TANC1: variants seen among roughly 807,000 people sequenced by gnomAD.
The protein encoded by TANC1 is protein TANC1.
In TANC1, 77 loss-of-function variants were observed where a neutral mutation model predicts 149.7. That is an observed-to-expected ratio of 0.51 (90% CI 0.43 to 0.62). TANC1 has a LOEUF of 0.62. Ranked by LOEUF, TANC1 falls within the 20% of genes least tolerant of loss-of-function variation. TANC1 has a pLI of 0.00. For missense variants in TANC1, 1,985 were observed against 2,321.8 expected (o/e 0.85, Z 2.98); for synonymous variants, 854 against 925.0 (o/e 0.92, Z 1.39).
chr2:159,220,598 G>T (rs912724975), intron 22 of TANC1, among the ~76,000 whole-genome samples: 5 of 144,766 alleles, frequency 3.5e-5, no homozygotes, highest in African/African-American at 1.3e-4. Context: ...CCCTGCACCT[G>T]GCTTATTATT....
intron 4 of TANC1, among the ~76,000 whole-genome samples, chr2:159,119,881 G>C (rs981506693): frequency 6.6e-6 from 1 of 152,194 alleles, no homozygotes; most frequent in Admixed American, 6.5e-5. Context: ...TTTGCAAGAG[G>C]GAAGAGGTGT....
At chr2:159,205,356 G>A (rs373309838) in intron 19 of TANC1, among the ~76,000 whole-genome samples, 1 of 152,182 alleles carries the variant, frequency 6.6e-6, no homozygotes, top group Non-Finnish European at 1.5e-5. Flanking sequence ...AGAAGGGGCT[G>A]TTCTTTGGTA....
chr2:158,995,644 A>G (rs1207000710), intron 1 of TANC1, among the ~76,000 whole-genome samples: 1 of 152,164 alleles, frequency 6.6e-6, no homozygotes, highest in African/African-American at 2.4e-5. Context: ...GCAGTCTTAT[A>G]CCTGTCTCCA....
chr2:159,176,475 C>T lies in TANC1; in HGVS notation c.1859C>T (p.Pro620Leu). ...SFITKIISKFPAWLKLIVTVR... is the reference protein window; with the variant it reads ...SFITKIISKFLAWLKLIVTVR... ...ATTACCAAAATTATTTCTAAATTTC[C>T]TGCCTGGTTGAAGTTGATTGTGACT... Residue 620 changes from proline to leucine, a missense_variant, in exon 13 of 27, where the codon CCT (proline) becomes CTT (leucine). By Grantham distance (98) the Pro-to-Leu change is moderately conservative. Coordinates refer to ENST00000263635, the MANE Select transcript of TANC1 (RefSeq NM_033394.3). 1.2e-6 allele frequency: 2 copies of T among 1,602,634 alleles called. No homozygotes were observed. Among genetic ancestry groups the T allele is most frequent in the Admixed American group, 1.7e-5 (1 of 57,176 alleles).
At chr2:159,070,568 A>G (rs755935652) in intron 3 of TANC1, among the ~76,000 whole-genome samples, 7 of 152,294 alleles carry the variant, frequency 4.6e-5, no homozygotes, top group Admixed American at 1.3e-4. Context: ...TTAAAACACT[A>G]CAAAATTGAT....
rs1040063640 is a variant in TANC1 at position 159,138,309 on chromosome 2, G to A, written c.364+2011G>A. The stretch of plus-strand genomic sequence containing the variant: ...GTGTAGTTCACGTCTGTGGGTGCAT[G>A]GTCTTGCCTGAAGATAGCCATGATG... On this transcript the variant is annotated intron_variant, in intron 5 of 26. Transcript: ENST00000263635. Among the ~76,000 whole-genome samples, 108 of 152,100 alleles carry A rather than the reference G, an allele frequency of 7.1e-4. 1 individual carries two copies. Among genetic ancestry groups the A allele is most frequent in the African/African-American group, 2.5e-3 (104 of 41,470 alleles).
intron 3 of TANC1, among the ~76,000 whole-genome samples, chr2:159,080,736 A>T (rs1208540646): frequency 6.6e-6 from 1 of 152,262 alleles, no homozygotes; most frequent in Non-Finnish European, 1.5e-5. Flanking sequence ...CTGGAGCCTG[A>T]GATTTGCTTT....
chr2:159,055,436 C>T (rs946710522), intron 2 of TANC1, among the ~76,000 whole-genome samples: 2 of 152,172 alleles, frequency 1.3e-5, no homozygotes, highest in African/African-American at 4.8e-5. Flanking sequence ...TCCCTATTCC[C>T]CCTACCCTCA....
intron 4 of TANC1, among the ~76,000 whole-genome samples, chr2:159,116,466 A>C (rs1446274243): frequency 9.5e-5 from 14 of 146,610 alleles, no homozygotes; most frequent in Admixed American, 8.8e-4. Flanking sequence ...AAAAAAAAAA[A>C]ACAAAGGACC....
intron 25 of TANC1, 197 bp downstream of exon 25, chr2:159,228,162 A>T (rs1034967048): frequency 1.7e-6 from 1 of 594,826 alleles, no homozygotes; most frequent in Non-Finnish European, 2.9e-6. Context: ...TCCTCGCATG[A>T]TGTTGAAGGA....
intron 19 of TANC1, among the ~76,000 whole-genome samples, chr2:159,202,255 T>C (rs1296349508): frequency 6.6e-6 from 1 of 152,118 alleles, no homozygotes; most frequent in African/African-American, 2.4e-5. Context: ...TGACCCTGAG[T>C]CAATGAATGT....
At chr2:159,163,238 A>G (rs1486894287) in intron 7 of TANC1, 45 bp from the exon 8 acceptor site, 1 of 1,586,456 alleles carries the variant, frequency 6.3e-7, no homozygotes, top group Admixed American at 1.7e-5. Flanking sequence ...CTTCAGCCCC[A>G]GCTGTGCCTG....
chr2:159,171,789 C>T (rs1283969257), intron 10 of TANC1, among the ~76,000 whole-genome samples: 1 of 141,394 alleles, frequency 7.1e-6, no homozygotes, highest in Non-Finnish European at 1.5e-5. Flanking sequence ...CCCAGGAGGT[C>T]GAGGTTGCAG....
intron 16 of TANC1, among the ~76,000 whole-genome samples, chr2:159,188,481 TTTG>T (rs1444692686): frequency 6.6e-5 from 10 of 152,236 alleles, no homozygotes; most frequent in Non-Finnish European, 1.2e-4. Context: ...AGCCAGTGGT[TTTG>T]TTGTACCATC....
At chr2:159,015,531 C>T (rs769842284) in intron 2 of TANC1, among the ~76,000 whole-genome samples, 16 of 152,228 alleles carry the variant, frequency 1.1e-4, no homozygotes, top group Non-Finnish European at 2.2e-4. Flanking sequence ...CAAATTTCTA[C>T]AGCTGGCTTG....
At chr2:159,067,752 C>T (rs2042794146) in intron 3 of TANC1, among the ~76,000 whole-genome samples, 1 of 152,200 alleles carries the variant, frequency 6.6e-6, no homozygotes, top group African/African-American at 2.4e-5. Flanking sequence ...GGTCCCCAAG[C>T]CTAAACTCAC....
chr2:159,230,382 C>T lies in TANC1; in HGVS notation c.4956C>T (p.Ser1652=), dbSNP rs769787106. Residue 1652 remains serine (S), a synonymous_variant, in exon 27 of 27, where the codon AGC becomes AGT. Coordinates refer to ENST00000263635, the MANE Select transcript of TANC1 (RefSeq NM_033394.3). This position sits in a 1 kb window ranked among gnomAD's most constrained non-coding sequence, Gnocchi z 4.4. The part of the protein sequence containing the change: ...PPNQGGLATC[S]DVRHPASLTS... ...ACCAAGGTGGGCTGGCGACCTGCAGCGACGTGCGACACCCAGCTTCCCTCA... is the reference window on the plus strand; with the variant it reads ...ACCAAGGTGGGCTGGCGACCTGCAGTGACGTGCGACACCCAGCTTCCCTCA... 46 of 1,614,148 alleles carry T rather than the reference C, an allele frequency of 2.8e-5. No individual in the cohort carries two copies. The highest frequency in any genetic ancestry group is 3.7e-5 in the Non-Finnish European group (44 of 1,180,040).
Position 159,082,311 on chromosome 2 carries a change from C to T in TANC1, c.62-15326C>T, listed in dbSNP as rs1444629141. Among the ~76,000 whole-genome samples the T allele has an allele frequency of 2.0e-5, 3 of 151,838 alleles. No individual in the cohort carries two copies. In the East Asian group the frequency reaches 5.8e-4, roughly 29 times the overall value. ...GCCACCCAACCCTGTACCGAGGGCT[C>T]CTGAGTCAGCAGATTAAGTATTTTG... is the stretch of plus-strand genomic sequence containing the variant. On this transcript the variant is annotated intron_variant, in intron 3 of 26. Coordinates refer to ENST00000263635, the MANE Select transcript of TANC1 (RefSeq NM_033394.3).
intron 3 of TANC1, among the ~76,000 whole-genome samples, chr2:159,082,270 C>T (rs1002043143): frequency 2.0e-4 from 30 of 152,176 alleles, no homozygotes; most frequent in African/African-American, 6.3e-4. Context: ...GCTGGTGTAG[C>T]GGGCAGCTGC....
Sources: allele counts gnomAD v4.1 joint callset (sites outside exome capture counted in the v4.1 genomes callset), GRCh38; gene constraint gnomAD v4.1.1; non-coding constraint Gnocchi (gnomAD v3.1); transcripts MANE v1.5; gene names NCBI Gene and HGNC (gene_info 2026-07-23, HGNC 2026-07-21).